The following SLC4A8 variants were observed in gnomAD, a reference collection of about 807,000 sequenced individuals.
SLC4A8 encodes the protein electroneutral sodium bicarbonate exchanger 1.
Under a neutral mutation model 125.0 loss-of-function variants are expected in SLC4A8, and 40 were observed. That is an observed-to-expected ratio of 0.32 (90% CI 0.25 to 0.42). The LOEUF is 0.42. Ranked by LOEUF, SLC4A8 falls within the 10% of genes least tolerant of loss-of-function variation. The pLI, the probability that SLC4A8 is intolerant of heterozygous loss-of-function variation, is 1.00. For missense variants in SLC4A8, 863 were observed against 1,355.1 expected (o/e 0.64, Z 5.70); for synonymous variants, 456 against 476.0 (o/e 0.96, Z 0.55).
chr12:51,400,711 T>G (rs1948355735), intron 1 of SLC4A8, among the ~76,000 whole-genome samples: 1 of 113,462 alleles, frequency 8.8e-6, no homozygotes, highest in Non-Finnish European at 1.7e-5. Context: ...TTGAGAGGAG[T>G]GTGAATGAAC....
intron 17 of SLC4A8, among the ~76,000 whole-genome samples, chr12:51,487,690 G>A (rs888475340): frequency 8.5e-5 from 13 of 152,214 alleles, no homozygotes; most frequent in Non-Finnish European, 1.0e-4. Context: ...TTTATAAACA[G>A]TTGTATTACA....
intron 11 of SLC4A8, among the ~76,000 whole-genome samples, chr12:51,468,387 G>A (rs1399666950): frequency 6.6e-6 from 1 of 152,202 alleles, no homozygotes; most frequent in Non-Finnish European, 1.5e-5. Context: ...CTTCCAGAAT[G>A]TATGTTTGAT....
rs1266508460 is a variant in SLC4A8, at chr12:51,403,068, T to C, written c.-112+11580T>C. 3 of 317,994 alleles carry C rather than the reference T, an allele frequency of 9.4e-6. No homozygotes were observed. The Admixed American group carries it at 1.0e-4, about 11-fold the overall frequency. 19.7% of individuals were successfully genotyped at this position (317,994 alleles called of 1,614,324 possible). A position where few individuals can be genotyped will look rare whatever the true frequency, so the allele number is the denominator to read the frequency against. ...TGTTTAGCCTGTTTTCATTTTTTTT[T>C]AAAGGACAATTATATAGAGTCTGTT... On this transcript the variant is annotated intron_variant, in intron 1 of 24. Coordinates refer to the SLC4A8 transcript ENST00000358657.
intron 22 of SLC4A8, among the ~76,000 whole-genome samples, chr12:51,500,468 C>G (rs1471454593): frequency 6.6e-6 from 1 of 151,836 alleles, no homozygotes; most frequent in East Asian, 1.9e-4. Flanking sequence ...CATATATATT[C>G]TGATTTTTCC....
At chr12:51,481,701 G>A (rs1361474730) in intron 16 of SLC4A8, among the ~76,000 whole-genome samples, 2 of 152,116 alleles carry the variant, frequency 1.3e-5, no homozygotes, top group African/African-American at 4.8e-5. Flanking sequence ...CCAGCACTTT[G>A]GGAAGTTGAG....
chr12:51,512,200 C>G lies in SLC4A8; in HGVS notation c.*4762C>G, dbSNP rs542244835. 7.9e-5 allele frequency: 12 copies of G among 152,248 alleles called. No individual in the cohort carries two copies. In the East Asian group the frequency reaches 2.3e-3, roughly 29 times the overall value. 9.4% of individuals were successfully genotyped at this position (152,248 alleles called of 1,614,324 possible). ...ACTTTGTTAATTTGGTATGGTGGTG[C>G]CACACATTATCACTGTACAGCATTA... On this transcript the variant is annotated 3_prime_UTR_variant, in exon 25 of 25. Coordinates refer to ENST00000453097, the MANE Select transcript of SLC4A8 (RefSeq NM_001039960.3).
intron 1 of SLC4A8, among the ~76,000 whole-genome samples, chr12:51,429,886 A>AAGCC: frequency 6.6e-6 from 1 of 151,828 alleles, no homozygotes; most frequent in South Asian, 2.1e-4. Flanking sequence ...GCTTTAAGGA[A>AAGCC]AGCCCCTACT....
intron 1 of SLC4A8, among the ~76,000 whole-genome samples, chr12:51,428,358 C>G (rs1949072078): frequency 6.6e-6 from 1 of 152,142 alleles, no homozygotes; most frequent in Non-Finnish European, 1.5e-5. Context: ...TAGCACAGTG[C>G]CTGGTATAAA....
chr12:51,440,756 C>A lies in SLC4A8; in HGVS notation c.97C>A (p.Leu33Ile), dbSNP rs1241061414. 2 of 1,608,290 alleles carry A rather than the reference C, an allele frequency of 1.2e-6. No homozygotes were observed. The highest frequency in any genetic ancestry group is 1.7e-6 in the Non-Finnish European group (2 of 1,178,392). The part of the protein sequence containing the change: ...VVDQGGTSTI[L>I]NIHYEKEELE... The stretch of plus-strand genomic sequence containing the variant: ...GGATCAGGGTGGGACCAGTACAATT[C>A]TCAACATTCACTATGAAAAAGAAGA... Residue 33 changes from leucine (L) to isoleucine (I), a missense_variant, in exon 2 of 25, where the codon CTC (leucine) becomes ATC (isoleucine). Leu to Ile is a conservative substitution (Grantham distance 5, BLOSUM62 2). Around this residue, in one of 6 missense-constraint regions of SLC4A8, gnomAD observed 104 missense variants for 116.4 expected, o/e 0.89. Coordinates refer to ENST00000453097, the MANE Select transcript of SLC4A8 (RefSeq NM_001039960.3).
Position 51,470,474 on chromosome 12 carries a change from G to A in SLC4A8, c.1607G>A (p.Gly536Glu), listed in dbSNP as rs1379800632. The A allele has an allele frequency of 6.2e-7, 1 of 1,613,280 alleles. No individual in the cohort carries two copies. Among genetic ancestry groups the A allele is most frequent in the South Asian group, 1.1e-5 (1 of 91,060 alleles). The stretch of plus-strand genomic sequence containing the variant: ...GCGGGACAGGCTCTCACCATCCTGG[G>A]AAGTACTGGACCAGTGCTTGTGTTT... ...LFAGQALTIL[G>E]STGPVLVFEK... The change falls in exon 13 of 25, where the codon GGA (glycine) becomes GAA (glutamate). Residue 536 changes from glycine to glutamate, a missense_variant. Around this residue, in one of 6 missense-constraint regions of SLC4A8, gnomAD observed 390 missense variants for 634.4 expected, o/e 0.61. Coordinates refer to ENST00000453097, the MANE Select transcript of SLC4A8 (RefSeq NM_001039960.3).
chr12:51,408,732 T>C (rs1019059656), intron 1 of SLC4A8, among the ~76,000 whole-genome samples: 1 of 152,122 alleles, frequency 6.6e-6, no homozygotes, highest in Non-Finnish European at 1.5e-5. Flanking sequence ...CAGAGTGATG[T>C]TGCATCTGGA....
In SLC4A8 at chr12:51,453,697, C is replaced by A. The variant is rs770715512; in HGVS notation, c.572C>A (p.Ser191Ter). 6.2e-7 allele frequency: 1 copy of A among 1,611,770 alleles called. No individual in the cohort carries two copies. Among genetic ancestry groups the A allele is most frequent in the Non-Finnish European group, 8.5e-7 (1 of 1,178,648 alleles). The change falls in exon 5 of 25, where the codon TCA becomes TAA. Residue 191 changes from serine (S) to a stop codon, truncating the protein, a stop_gained and splice_region_variant. Transcript: ENST00000453097. LOFTEE classifies it high-confidence loss of function. ...CATGCAAATAGCATAGAAGAAATTT[C>A]AGGTAAGGTTGGGGAAGGGAAAACA... Reference protein sequence around the residue: ...DMHANSIEEISDLILDQQELS... With the variant: ...DMHANSIEEI
At chr12:51,493,416 G>T (rs1951372889) in intron 19 of SLC4A8, among the ~76,000 whole-genome samples, 1 of 152,134 alleles carries the variant, frequency 6.6e-6, no homozygotes, top group Non-Finnish European at 1.5e-5. Context: ...TTGTGTGTGT[G>T]TGTGTATGTG....
intron 2 of SLC4A8, among the ~76,000 whole-genome samples, chr12:51,445,238 A>G (rs1322320343): frequency 6.6e-6 from 1 of 152,116 alleles, no homozygotes; most frequent in East Asian, 1.9e-4. Flanking sequence ...TAGTGCGATC[A>G]TGGCTCACCA....
intron 1 of SLC4A8, among the ~76,000 whole-genome samples, chr12:51,426,100 T>C (rs1948965654): frequency 6.6e-6 from 1 of 152,072 alleles, no homozygotes; most frequent in South Asian, 2.1e-4. Flanking sequence ...TGGAAACAAG[T>C]GCCATGTTGA....
At chr12:51,504,759 A>G (rs1451114496) in intron 23 of SLC4A8, among the ~76,000 whole-genome samples, 1 of 152,210 alleles carries the variant, frequency 6.6e-6, no homozygotes, top group Non-Finnish European at 1.5e-5. Context: ...AACTGGGATC[A>G]TGAAAATTCC....
chr12:51,415,287 A>AT (rs145310724), intron 1 of SLC4A8, among the ~76,000 whole-genome samples: 13,207 of 152,090 alleles, frequency 0.087, 648 homozygotes, highest in East Asian at 0.22. Context: ...CTGCTCTTTG[A>AT]TTTTTTGGAA....
At chr12:51,470,608 C>T (rs1950663749) in intron 13 of SLC4A8, 83 bp downstream of exon 13, 1 of 1,259,752 alleles carries the variant, frequency 7.9e-7, no homozygotes, top group Middle Eastern at 2.0e-4. Flanking sequence ...CTACTCAGTA[C>T]AGACAGGCAA....
At chr12:51,453,766 T>G in intron 5 of SLC4A8, 67 bp downstream of exon 5, 1 of 1,484,072 alleles carries the variant, frequency 6.7e-7, no homozygotes, top group Non-Finnish European at 9.3e-7. Flanking sequence ...AAAAAAGGAG[T>G]GTGGCGTGAC....
Sources: allele counts gnomAD v4.1 joint callset (sites outside exome capture counted in the v4.1 genomes callset), GRCh38; gene constraint gnomAD v4.1.1; regional missense constraint gnomAD v4.1.1; transcripts MANE v1.5; gene names NCBI Gene and HGNC (gene_info 2026-07-23, HGNC 2026-07-21).